The following BTBD7 variants were observed in gnomAD, a reference collection of about 807,000 sequenced individuals.
The protein encoded by BTBD7 is BTB domain containing 7.
BTBD7 carries 38 observed loss-of-function variants against 99.9 expected under a neutral mutation model. The ratio of observed to expected loss-of-function variants is 0.38; its 90% CI spans 0.29 to 0.50. The LOEUF (loss-of-function observed/expected upper bound fraction) is 0.50, where lower values mean the gene tolerates loss of function less well. Ranked by LOEUF, BTBD7 falls within the 20% of genes least tolerant of loss-of-function variation. The pLI is 0.93. For missense variants in BTBD7, 1,170 were observed against 1,394.6 expected (o/e 0.84, Z 2.57); for synonymous variants, 520 against 511.4 (o/e 1.02, Z -0.23).
At chr14:93,330,400 A>G (rs1225505047) in intron 1 of BTBD7, among the ~76,000 whole-genome samples, 1 of 151,932 alleles carries the variant, frequency 6.6e-6, no homozygotes, top group Non-Finnish European at 1.5e-5. Context: ...TAACTGCTAC[A>G]ATCTCTCGGT....
At chr14:93,287,228 C>CAGAAAAAAAAAAAAA (rs2052789888) in intron 3 of BTBD7, among the ~76,000 whole-genome samples, 1 of 126,834 alleles carries the variant, frequency 7.9e-6, no homozygotes, top group Admixed American at 7.7e-5. Context: ...GACTCTGTCT[C>CAGAAAAAAAAAAAAA]AAAAAAAAAA....
At chr14:93,245,122 AAAGTGTTGGGATT>A (rs1188705466) in intron 10 of BTBD7, among the ~76,000 whole-genome samples, 1 of 151,030 alleles carries the variant, frequency 6.6e-6, no homozygotes, top group Non-Finnish European at 1.5e-5. Context: ...TCAGCCTCCT[AAAGTGTTGGGATT>A]ACAGGTGTGA....
chr14:93,238,456 G>A lies in BTBD7; in HGVS notation c.*3817C>T, dbSNP rs916440168. 2.6e-5 allele frequency: 4 copies of A among 152,540 alleles called. No homozygotes were observed. The highest frequency in any genetic ancestry group is 4.8e-5 in the African/African-American group (2 of 41,410). The allele number at this position is 152,540 out of a possible 1,614,324, so 9.4% of individuals were successfully genotyped here. ...AGGTTTGAAAGTAAATCACTTAGTA[G>A]ACAAAGTAAACCACCACAGAACCAG... is the stretch of plus-strand genomic sequence containing the variant. On this transcript the variant is annotated 3_prime_UTR_variant, in exon 11 of 11. Transcript: ENST00000334746.
chr14:93,318,496 G>C (rs1346252536), intron 1 of BTBD7, among the ~76,000 whole-genome samples: 1 of 152,180 alleles, frequency 6.6e-6, no homozygotes, highest in African/African-American at 2.4e-5. Flanking sequence ...CTACAAATTT[G>C]AAAGTTTCAG....
intron 1 of BTBD7, among the ~76,000 whole-genome samples, chr14:93,303,289 GTTGTT>G (rs1261628228): frequency 5.9e-5 from 9 of 152,064 alleles, no homozygotes; most frequent in Admixed American, 3.3e-4. Context: ...ACTTTACAAG[GTTGTT>G]TTAAGAGTTA....
At chr14:93,273,657 A>G (rs2052623537) in intron 3 of BTBD7, among the ~76,000 whole-genome samples, 1 of 151,766 alleles carries the variant, frequency 6.6e-6, no homozygotes, top group Non-Finnish European at 1.5e-5. Context: ...AGCTCCCCCA[A>G]CTCCTTGCTA....
chr14:93,309,494 C>G (rs1242858179), intron 1 of BTBD7, among the ~76,000 whole-genome samples: 3 of 151,008 alleles, frequency 2.0e-5, no homozygotes, highest in African/African-American at 7.3e-5. Flanking sequence ...TCTTATCCCC[C>G]CAACCTCCAC....
At position 93,294,308 on chromosome 14, in the gene BTBD7, G is replaced by T. The variant is rs143569452; in HGVS notation, c.712C>A (p.Arg238Ser). 6.2e-7 allele frequency: 1 copy of T among 1,614,086 alleles called. No individual in the cohort carries two copies. The highest frequency in any genetic ancestry group is 8.5e-7 in the Non-Finnish European group (1 of 1,180,026). The change falls in exon 3 of 11, where the codon CGT becomes AGT. Residue 238 changes from arginine (R) to serine (S), a missense_variant. Arg to Ser is a moderately radical substitution (Grantham distance 110, BLOSUM62 -1). Transcript: ENST00000334746. ...TAACACATGTAATCAAAGAGTCCAC[G>T]CATATCTACATCAAGGGAATTTGGT... is the stretch of plus-strand genomic sequence containing the variant. ...GTPNSLDVDM[R>S]GLFDYMCYYD...
chr14:93,265,653 G>A (rs942663091), intron 3 of BTBD7, among the ~76,000 whole-genome samples: 3 of 152,266 alleles, frequency 2.0e-5, no homozygotes, highest in African/African-American at 4.8e-5. Flanking sequence ...CGGGTGCGGC[G>A]GCGCACGCCT....
chr14:93,290,607 T>C (rs1236629272), intron 3 of BTBD7, among the ~76,000 whole-genome samples: 1 of 145,636 alleles, frequency 6.9e-6, no homozygotes, highest in African/African-American at 2.5e-5. Context: ...CACCTCCCGC[T>C]CCTGGGTTCA....
At chr14:93,252,614 A>C (rs973534168) in intron 7 of BTBD7, among the ~76,000 whole-genome samples, 1 of 151,406 alleles carries the variant, frequency 6.6e-6, no homozygotes, top group African/African-American at 2.4e-5. Context: ...GACTCAAGTG[A>C]TCTTCCTGCT....
At chr14:93,300,254 G>C (rs934386812) in intron 1 of BTBD7, among the ~76,000 whole-genome samples, 2 of 136,950 alleles carry the variant, frequency 1.5e-5, no homozygotes, top group East Asian at 2.3e-4. Context: ...TTCTTTCTTT[G>C]TTCTTTTTTT....
chr14:93,289,567 C>T (rs139066825), intron 3 of BTBD7, among the ~76,000 whole-genome samples: 66 of 152,344 alleles, frequency 4.3e-4, no homozygotes, highest in Non-Finnish European at 7.8e-4. Flanking sequence ...AAAATTTCAA[C>T]ATCTTCCCCA....
intron 1 of BTBD7, among the ~76,000 whole-genome samples, chr14:93,309,243 A>T (rs1411571860): frequency 2.0e-5 from 3 of 152,108 alleles, no homozygotes; most frequent in Non-Finnish European, 4.4e-5. Flanking sequence ...CATATTCTCT[A>T]TTCTCCAAAT....
chr14:93,318,684 T>A (rs879713297), intron 1 of BTBD7, among the ~76,000 whole-genome samples: 1 of 152,200 alleles, frequency 6.6e-6, no homozygotes, highest in South Asian at 2.1e-4. Flanking sequence ...ATAGCCTGCA[T>A]GTAAGAAGTG....
At chr14:93,251,715 G>T in intron 7 of BTBD7, 63 bp from the exon 8 acceptor site, 1 of 1,310,102 alleles carries the variant, frequency 7.6e-7, no homozygotes, top group African/African-American at 1.5e-5. Context: ...CACATTTGAA[G>T]GAAGACTATT....
At position 93,246,129 on chromosome 14, in the gene BTBD7, G is replaced by T. The variant is rs2052305538; in HGVS notation, c.2279C>A (p.Pro760His). Residue 760 changes from proline to histidine, a missense_variant, in exon 10 of 11, where the codon CCT (proline) becomes CAT (histidine). This residue lies in a region of BTBD7 where 495 missense variants were observed against 525.9 expected (regional missense o/e 0.94). Coordinates refer to ENST00000334746, the MANE Select transcript of BTBD7 (RefSeq NM_001002860.4). ...TGGGGGGTGGTAGGGAGGTGGTGGAGGGGGCAAGGGTGGATGGAAGGCCAC... is the reference window on the plus strand; with the variant it reads ...TGGGGGGTGGTAGGGAGGTGGTGGATGGGGCAAGGGTGGATGGAAGGCCAC... Reference protein sequence around the residue: ...SFVAFHPPLPPPPPPYHPPAT... With the variant: ...SFVAFHPPLPHPPPPYHPPAT... 1 of 1,275,074 alleles carries T rather than the reference G, an allele frequency of 7.8e-7. No homozygotes were observed. The highest frequency in any genetic ancestry group is 3.0e-5 in the East Asian group (1 of 33,454). The allele number at this position is 1,275,074 out of a possible 1,614,324, so 79.0% of individuals were successfully genotyped here.
chr14:93,329,799 T>G (rs960645278), intron 1 of BTBD7, among the ~76,000 whole-genome samples: 5 of 152,026 alleles, frequency 3.3e-5, no homozygotes, highest in African/African-American at 1.2e-4. Flanking sequence ...TAAGGGAAAA[T>G]GGACAGTTTC....
At chr14:93,324,203 C>T (rs1275922443) in intron 1 of BTBD7, among the ~76,000 whole-genome samples, 1 of 152,070 alleles carries the variant, frequency 6.6e-6, no homozygotes, top group African/African-American at 2.4e-5. Flanking sequence ...CTTTGGGAGA[C>T]TGAGGTGGGA....
Sources: allele counts gnomAD v4.1 joint callset (sites outside exome capture counted in the v4.1 genomes callset), GRCh38; gene constraint gnomAD v4.1.1; regional missense constraint gnomAD v4.1.1; transcripts MANE v1.5; gene names NCBI Gene and HGNC (gene_info 2026-07-23, HGNC 2026-07-21).